DNAH2: variants seen among roughly 807,000 people sequenced by gnomAD.
The protein encoded by DNAH2 is dynein axonemal heavy chain 2.
In DNAH2, 323 loss-of-function variants were observed where a neutral mutation model predicts 523.5. That is an observed-to-expected ratio of 0.62 (90% CI 0.56 to 0.68). DNAH2 has a LOEUF of 0.68. DNAH2 is among the 30% of genes least tolerant of loss of function. The pLI, the probability that DNAH2 is intolerant of heterozygous loss-of-function variation, is 0.00. For synonymous variants in DNAH2, 2,093 were observed against 2,177.4 expected, an observed-to-expected ratio of 0.96 and a Z score of 1.08; for missense variants, 4,907 against 5,701.5, an observed-to-expected ratio of 0.86 and a Z score of 4.49.
intron 18 of DNAH2, among the ~76,000 whole-genome samples, chr17:7,761,908 A>G (rs1333995841): frequency 8.9e-6 from 1 of 112,548 alleles, no homozygotes; most frequent in Non-Finnish European, 2.0e-5. Context: ...AGGAGTTAAG[A>G]AAAAAAAAAA....
intron 51 of DNAH2, 42 bp from the exon 52 acceptor site, chr17:7,797,358 T>A: frequency 6.2e-7 from 1 of 1,613,730 alleles, no homozygotes; most frequent in Non-Finnish European, 8.5e-7. Context: ...CAGGCCATTC[T>A]CCTCTTTATT....
chr17:7,761,577 CG>C (rs2076006620), intron 18 of DNAH2, among the ~76,000 whole-genome samples: 1 of 151,450 alleles, frequency 6.6e-6, no homozygotes, highest in African/African-American at 2.4e-5. Flanking sequence ...CTCTGCCTCC[CG>C]GGTTCAAGCA....
At position 7,823,931 on chromosome 17, in the gene DNAH2, C is replaced by T. The variant is rs1472733951; in HGVS notation, c.11427C>T (p.Ile3809=). 3.7e-6 allele frequency: 6 copies of T among 1,614,000 alleles called. No homozygotes were observed. The highest frequency in any genetic ancestry group is 1.1e-5 in the South Asian group (1 of 91,082). Reference sequence around the variant, plus strand: ...CCTTCTGCGTGACCTCCTTCATCATCACCAACCTTGGCTCCCGCTTCATCG... The same window carrying T: ...CCTTCTGCGTGACCTCCTTCATCATTACCAACCTTGGCTCCCGCTTCATCG... ...RVAFCVTSFI[I]TNLGSRFIEP... The change falls in exon 75 of 86, where the codon ATC becomes ATT. Residue 3809 remains isoleucine (I), a synonymous_variant. Coordinates refer to ENST00000572933, the MANE Select transcript of DNAH2 (RefSeq NM_020877.5).
At chr17:7,793,482 T>C (rs2076967597) in intron 48 of DNAH2, among the ~76,000 whole-genome samples, 1 of 135,288 alleles carries the variant, frequency 7.4e-6, no homozygotes, top group Middle Eastern at 3.7e-3. Context: ...TTTCTTTCTT[T>C]CTTTCTTTCT....
At chr17:7,738,966 C>A in intron 8 of DNAH2, 1 of 702,900 alleles carries the variant, frequency 1.4e-6, no homozygotes, top group Non-Finnish European at 2.6e-6. Flanking sequence ...AGACCAGCAT[C>A]TTTGCTCAGG....
rs1544724 is a variant in DNAH2 at position 7,718,459 on chromosome 17, T to G, written c.-355T>G. On this transcript the variant is annotated 5_prime_UTR_variant, in exon 1 of 86. Transcript: ENST00000572933. ...CCACAGGTGCCGTTAGGCTGCAGCCTAATGAAAAGAGAGTGCCCAGCGCCT... is the reference window on the plus strand; with the variant it reads ...CCACAGGTGCCGTTAGGCTGCAGCCGAATGAAAAGAGAGTGCCCAGCGCCT... 68,269 of 152,010 alleles carry G rather than the reference T, an allele frequency of 0.45. 15,366 individuals are homozygous for G. Among genetic ancestry groups the G allele is most frequent in the East Asian group, 0.58 (2,992 of 5,168 alleles). The allele number at this position is 152,010 out of a possible 1,614,324, so 9.4% of individuals were successfully genotyped here.
intron 2 of DNAH2, among the ~76,000 whole-genome samples, chr17:7,723,063 A>G (rs534675829): frequency 5.1e-4 from 70 of 135,984 alleles, no homozygotes; most frequent in Admixed American, 2.8e-3. Flanking sequence ...TCCGCCTCCC[A>G]GGTTCACGCC....
Position 7,831,665 on chromosome 17 carries a change from T to A in DNAH2, c.12616T>A (p.Ser4206Thr). 1 of 1,614,150 alleles carries A rather than the reference T, an allele frequency of 6.2e-7. No individual in the cohort carries two copies. Among genetic ancestry groups the A allele is most frequent in the Non-Finnish European group, 8.5e-7 (1 of 1,179,994 alleles). Residue 4206 changes from serine to threonine, a missense_variant, in exon 82 of 86, where the codon TCA becomes ACA. By Grantham distance (58) the Ser-to-Thr change is moderately conservative. Transcript: ENST00000572933. This position sits in a 1 kb window ranked among gnomAD's most constrained non-coding sequence, Gnocchi z 4.2. ...ACTCCACCTCATCCTGCTCAGGTTC[T>A]CACTGACAGACCTAGAGAAAGGCAT... ...YNTLMQTILF[S>T]LTDLEKGIQG...
intron 21 of DNAH2, 127 bp from the exon 22 acceptor site, chr17:7,766,191 A>T: frequency 9.9e-7 from 1 of 1,006,678 alleles, no homozygotes; most frequent in Non-Finnish European, 1.5e-6. Context: ...GTTCCCTCTT[A>T]CTCTCCTTCC....
rs1466820767 is a variant in DNAH2, at chr17:7,764,412, A to G, written c.3336+139A>G. On this transcript the variant is annotated intron_variant, in intron 20 of 85. Coordinates refer to ENST00000572933, the MANE Select transcript of DNAH2 (RefSeq NM_020877.5). ...GATTTGAAAGCCAAAGCTAGCTCAA[A>G]TGATACCTTTACTTAGCTTCTGGAT... The G allele has an allele frequency of 3.9e-6, 4 of 1,021,050 alleles. No individual in the cohort carries two copies. In the African/African-American group the frequency reaches 6.5e-5, roughly 17 times the overall value. The allele number at this position is 1,021,050 out of a possible 1,614,324, so 63.2% of individuals were successfully genotyped here.
At chr17:7,727,754 C>CAAAAAAAAA (rs766811062) in intron 4 of DNAH2, among the ~76,000 whole-genome samples, 52 of 48,968 alleles carry the variant, frequency 1.1e-3, no homozygotes, top group African/African-American at 4.1e-3. Context: ...GACTCTGTCT[C>CAAAAAAAAA]AAAAAAAAAA....
In DNAH2 at chr17:7,766,352, C is replaced by T. The variant is rs1409192743; in HGVS notation, c.3546C>T (p.Ala1182=). The stretch of plus-strand genomic sequence containing the variant: ...CCAGCAACGTGGGATACATGTCTGC[C>T]TTAGACCAGATTACACAAGTGCGGG... ...HFTSNVGYMS[A]LDQITQVRAM... The change falls in exon 22 of 86, where the codon GCC becomes GCT. Residue 1182 remains alanine, a synonymous_variant. Transcript: ENST00000572933. 2 of 1,613,916 alleles carry T rather than the reference C, an allele frequency of 1.2e-6. No homozygotes were observed. The highest frequency in any genetic ancestry group is 1.7e-6 in the Non-Finnish European group (2 of 1,179,992).
chr17:7,769,244 C>T (rs9900576), intron 24 of DNAH2, among the ~76,000 whole-genome samples: 40 of 152,126 alleles, frequency 2.6e-4, no homozygotes, highest in Non-Finnish European at 4.7e-4. Flanking sequence ...TCACTGTAAC[C>T]TTCACCTCGC....
chr17:7,776,019 C>T lies in DNAH2; in HGVS notation c.4822-5C>T. 6.2e-7 allele frequency: 1 copy of T among 1,613,758 alleles called. No homozygotes were observed. On this transcript the variant is annotated splice_polypyrimidine_tract_variant and splice_region_variant and intron_variant, in intron 30 of 85. Coordinates refer to ENST00000572933, the MANE Select transcript of DNAH2 (RefSeq NM_020877.5). ...GAGCTGCCCTATTCTCCCACCTCCC[C>T]CCAGTCCTGGCTTGGCGATGTGGAA...
chr17:7,831,257 T>C lies in DNAH2; in HGVS notation c.12402T>C (p.Leu4134=). The C allele has an allele frequency of 6.2e-7, 1 of 1,614,126 alleles. No individual in the cohort carries two copies. The highest frequency in any genetic ancestry group is 8.5e-7 in the Non-Finnish European group (1 of 1,180,018). Residue 4134 remains leucine, a synonymous_variant, in exon 80 of 86, where the codon CTT becomes CTC. Transcript: ENST00000572933. This position sits in a 1 kb window ranked among gnomAD's most constrained non-coding sequence, Gnocchi z 4.2. The part of the protein sequence containing the change: ...TEAQTLFDTL[L]SLQPQITPTR... ...CACAAACCCTCTTTGATACTTTGCT[T>C]TCCTTGCAACCTCAGATTACACCCA...
At chr17:7,753,772 A>G (rs2075757112) in intron 12 of DNAH2, among the ~76,000 whole-genome samples, 3 of 151,598 alleles carry the variant, frequency 2.0e-5, no homozygotes, top group Admixed American at 2.0e-4. Flanking sequence ...ACATGACGAA[A>G]CCCTGTCTCT....
In DNAH2 at chr17:7,758,901, A is replaced by G; in HGVS notation, c.2225A>G (p.Asn742Ser). ...IHASKVQMIV[N>S]EFKASTLTIG... is the part of the protein sequence containing the mutation. ...TGACTCTAGGTGCAGATGATTGTGAATGAGTTCAAGGCATCCACTCTGACC... is the reference window on the plus strand; with the variant it reads ...TGACTCTAGGTGCAGATGATTGTGAGTGAGTTCAAGGCATCCACTCTGACC... The change falls in exon 15 of 86, where the codon AAT (asparagine) becomes AGT (serine). Residue 742 changes from asparagine to serine, a missense_variant. Asn to Ser is a conservative substitution (Grantham distance 46). Coordinates refer to ENST00000572933, the MANE Select transcript of DNAH2 (RefSeq NM_020877.5). 1 of 1,614,130 alleles carries G rather than the reference A, an allele frequency of 6.2e-7. No individual in the cohort carries two copies. The highest frequency in any genetic ancestry group is 8.5e-7 in the Non-Finnish European group (1 of 1,180,046).
chr17:7,741,303 T>TTTC (rs2075331919), intron 11 of DNAH2, among the ~76,000 whole-genome samples: 2 of 76,810 alleles, frequency 2.6e-5, no homozygotes, highest in African/African-American at 5.7e-5. Context: ...TCTTCCTTCC[T>TTTC]TCCCTCCCTC....
intron 59 of DNAH2, 152 bp downstream of exon 59, chr17:7,804,618 G>C: frequency 3.3e-6 from 3 of 917,294 alleles, no homozygotes; most frequent in Non-Finnish European, 4.9e-6. Context: ...GGCTGAGGCA[G>C]GAGGATCACC....
Sources: allele counts gnomAD v4.1 joint callset (sites outside exome capture counted in the v4.1 genomes callset), GRCh38; gene constraint gnomAD v4.1.1; non-coding constraint Gnocchi (gnomAD v3.1); transcripts MANE v1.5; gene names NCBI Gene and HGNC (gene_info 2026-07-23, HGNC 2026-07-21).